C12orf42: variants seen among roughly 807,000 people sequenced by gnomAD.
C12orf42 encodes chromosome 12 open reading frame 42.
Under a neutral mutation model 21.6 loss-of-function variants are expected in C12orf42, and 25 were observed. That is an observed-to-expected ratio of 1.16 (90% CI 0.84 to 1.62). The LOEUF is 1.62. Ranked by LOEUF, C12orf42 falls within the 40% of genes most tolerant of loss-of-function variation. C12orf42 has a pLI of 0.00. For missense variants in C12orf42, 483 were observed against 459.3 expected (o/e 1.05, Z -0.47); for synonymous variants, 174 against 175.0 (o/e 0.99, Z 0.05).
chr12:103,405,322 G>T (rs139782572), intron 2 of C12orf42, among the ~76,000 whole-genome samples: 1 of 152,270 alleles, frequency 6.6e-6, no homozygotes, highest in African/African-American at 2.4e-5. Flanking sequence ...TTCAGATAAA[G>T]AATGAATTTT....
At chr12:103,189,101 C>G in the C12orf42 span, among the ~76,000 whole-genome samples, 1 of 152,012 alleles carries the variant, frequency 6.6e-6, no homozygotes, top group Non-Finnish European at 1.5e-5. Context: ...CTAATGGAAA[C>G]AAATATCAAA....
chr12:103,401,102 A>G (rs1279879830), intron 3 of C12orf42, among the ~76,000 whole-genome samples: 2 of 152,176 alleles, frequency 1.3e-5, no homozygotes, highest in African/African-American at 2.4e-5. Context: ...ATTCATAGTC[A>G]TGCATATGCA....
the C12orf42 span, among the ~76,000 whole-genome samples, chr12:103,195,765 G>T: frequency 1.4e-4 from 22 of 152,056 alleles, no homozygotes; most frequent in South Asian, 4.6e-3. Context: ...AATTTCCTTT[G>T]CTGTGCAGAA....
At chr12:103,073,930 G>T in the C12orf42 span, among the ~76,000 whole-genome samples, 1 of 151,994 alleles carries the variant, frequency 6.6e-6, no homozygotes, top group Admixed American at 6.6e-5. Flanking sequence ...TAACATATTT[G>T]CCTGAGGTTA....
At chr12:103,334,494 G>A (rs2041514940) in intron 4 of C12orf42, among the ~76,000 whole-genome samples, 2 of 152,030 alleles carry the variant, frequency 1.3e-5, no homozygotes, top group Non-Finnish European at 2.9e-5. Flanking sequence ...AATACGAAAA[G>A]GCAGTCAAAA....
the C12orf42 span, among the ~76,000 whole-genome samples, chr12:103,176,764 C>G: frequency 6.6e-6 from 1 of 152,156 alleles, no homozygotes; most frequent in East Asian, 1.9e-4. Context: ...AAAACAAAGT[C>G]CAATCTGGCA....
chr12:103,214,265 A>G, the C12orf42 span, among the ~76,000 whole-genome samples: 1 of 152,308 alleles, frequency 6.6e-6, no homozygotes, highest in African/African-American at 2.4e-5. Flanking sequence ...ATTTCATTGT[A>G]CAGTCCATTA....
chr12:103,170,950 G>A, the C12orf42 span, among the ~76,000 whole-genome samples: 3 of 152,138 alleles, frequency 2.0e-5, no homozygotes, highest in Admixed American at 6.6e-5. Context: ...ATCAGGACAA[G>A]AAGTTGTATC....
At chr12:103,313,782 C>T (rs7484457) in intron 4 of C12orf42, among the ~76,000 whole-genome samples, 7,292 of 152,204 alleles carry the variant, frequency 0.048, 419 homozygotes, top group African/African-American at 0.14. Context: ...AAAATTATAT[C>T]GTTTTCATCC....
chr12:103,167,470 A>C, the C12orf42 span, among the ~76,000 whole-genome samples: 1 of 152,126 alleles, frequency 6.6e-6, no homozygotes, highest in Non-Finnish European at 1.5e-5. Context: ...TCATTTCTCT[A>C]AGCTGAGTCT....
intron 1 of C12orf42, among the ~76,000 whole-genome samples, chr12:103,483,779 A>G (rs1468867102): frequency 6.6e-6 from 1 of 152,092 alleles, no homozygotes; most frequent in Non-Finnish European, 1.5e-5. Flanking sequence ...CATCATTTAC[A>G]TTAGGTGTTT....
chr12:103,158,468 T>C, the C12orf42 span, among the ~76,000 whole-genome samples: 45,828 of 152,080 alleles, frequency 0.3, 7,367 homozygotes, highest in East Asian at 0.4. Context: ...ATGTTTTTGT[T>C]TTTGTTTTTA....
intron 1 of C12orf42, among the ~76,000 whole-genome samples, chr12:103,483,558 G>A (rs909091920): frequency 6.6e-6 from 1 of 151,850 alleles, no homozygotes; most frequent in Non-Finnish European, 1.5e-5. Flanking sequence ...GAAAATTATG[G>A]TTACGATTTT....
chr12:103,304,295 A>C (rs532379422), intron 5 of C12orf42, among the ~76,000 whole-genome samples: 1 of 152,186 alleles, frequency 6.6e-6, no homozygotes, highest in South Asian at 2.1e-4. Flanking sequence ...AGTATTCTAG[A>C]CCTTGGGGAT....
chr12:103,355,667 C>A (rs2043481349), intron 4 of C12orf42, among the ~76,000 whole-genome samples: 1 of 152,060 alleles, frequency 6.6e-6, no homozygotes, highest in South Asian at 2.1e-4. Flanking sequence ...CCTGGATCCC[C>A]AATAGCCTTA....
intron 2 of C12orf42, among the ~76,000 whole-genome samples, chr12:103,443,193 T>G (rs1951366033): frequency 6.6e-6 from 1 of 152,150 alleles, no homozygotes; most frequent in South Asian, 2.1e-4. Context: ...CAAGATAATT[T>G]TATTGCTTTT....
chr12:103,506,638 G>A, the C12orf42 span, among the ~76,000 whole-genome samples: 6 of 149,952 alleles, frequency 4.0e-5, no homozygotes, highest in Non-Finnish European at 4.4e-5. Context: ...TACAATCTAT[G>A]ATGTTCAGAC....
downstream of C12orf42, among the ~76,000 whole-genome samples, chr12:103,301,638 A>C (rs1309527750): frequency 6.6e-6 from 1 of 152,224 alleles, no homozygotes; most frequent in African/African-American, 2.4e-5. Context: ...TCCCCTGGGC[A>C]CATCAGGAGT....
At chr12:103,351,558 G>T (rs973432928) in intron 4 of C12orf42, among the ~76,000 whole-genome samples, 1 of 152,064 alleles carries the variant, frequency 6.6e-6, no homozygotes, top group Non-Finnish European at 1.5e-5. Flanking sequence ...ATACTATTTT[G>T]AATAGAAACT....
Sources: allele counts gnomAD v4.1 joint callset (sites outside exome capture counted in the v4.1 genomes callset), GRCh38; gene constraint gnomAD v4.1.1; transcripts MANE v1.5; gene names NCBI Gene and HGNC (gene_info 2026-07-23, HGNC 2026-07-21).